Variants in USP25 observed in about 807,000 individuals in gnomAD.
The protein encoded by USP25 is ubiquitin specific peptidase 25, also known as ubiquitin carboxyl-terminal hydrolase 25.
Under a neutral mutation model 158.5 loss-of-function variants are expected in USP25, and 85 were observed. The observed-to-expected ratio is 0.54, with a 90% CI of 0.45 to 0.64. USP25 has a LOEUF of 0.64. Among genes scored for constraint, USP25 ranks in the 30% least tolerant of loss-of-function variants. The probability of loss-of-function intolerance (pLI) is 0.00; values close to 1 mark genes in which losing one functional copy is unlikely to be tolerated. For missense variants in USP25, 1,242 were observed against 1,327.3 expected, an observed-to-expected ratio of 0.94 and a Z score of 1.00; for synonymous variants, 464 against 460.4, an observed-to-expected ratio of 1.01 and a Z score of -0.10.
At chr21:15,846,158 A>ATAT (rs1325255884) in intron 18 of USP25, among the ~76,000 whole-genome samples, 4 of 23,944 alleles carry the variant, frequency 1.7e-4, no homozygotes, top group Non-Finnish European at 2.1e-4. Context: ...ATATATATAT[A>ATAT]TTTTTTTTTT....
intron 10 of USP25, among the ~76,000 whole-genome samples, chr21:15,823,335 C>G (rs2037330459): frequency 6.6e-6 from 1 of 151,738 alleles, no homozygotes; most frequent in South Asian, 2.1e-4. Flanking sequence ...TGAACAGTTA[C>G]CAAAGCATGT....
intron 3 of USP25, among the ~76,000 whole-genome samples, chr21:15,775,471 A>G (rs945295106): frequency 1.2e-4 from 19 of 152,296 alleles, no homozygotes; most frequent in South Asian, 4.1e-4. Context: ...GGAAGCGGCT[A>G]CTTCTGTCAC....
At chr21:15,776,949 T>C (rs538188247) in intron 3 of USP25, among the ~76,000 whole-genome samples, 1 of 152,316 alleles carries the variant, frequency 6.6e-6, no homozygotes, top group Admixed American at 6.5e-5. Flanking sequence ...ATAGTTTCTC[T>C]TTCTGATCAT....
chr21:15,873,998 T>G (rs559653354), intron 23 of USP25, among the ~76,000 whole-genome samples: 1 of 152,292 alleles, frequency 6.6e-6, no homozygotes, highest in East Asian at 1.9e-4. Flanking sequence ...ACAAACCAAA[T>G]GATGTTTGTG....
intron 1 of USP25, among the ~76,000 whole-genome samples, chr21:15,752,561 T>G (rs1175625799): frequency 3.9e-5 from 6 of 152,174 alleles, no homozygotes; most frequent in African/African-American, 1.2e-4. Context: ...CAGATATGGT[T>G]GAAAGGTTGG....
In USP25 at chr21:15,766,262, G is replaced by T. The variant is rs2034034002; in HGVS notation, c.268+121G>T. 7 of 855,904 alleles carry T rather than the reference G, an allele frequency of 8.2e-6. No homozygotes were observed. The highest frequency in any genetic ancestry group is 9.7e-6 in the Non-Finnish European group (6 of 619,480). 53.0% of individuals were successfully genotyped at this position (855,904 alleles called of 1,614,324 possible). A position where few individuals can be genotyped will look rare whatever the true frequency, so the allele number is the denominator to read the frequency against. The stretch of plus-strand genomic sequence containing the variant: ...ACCAAAAAAGAACTCTATTAACCTT[G>T]GTTCTTTTTAATGTAGTTGAAAGGA... On this transcript the variant is annotated intron_variant, in intron 3 of 25. Transcript: ENST00000400183. The surrounding 1 kb of genome is among the most constrained non-coding windows in gnomAD (Gnocchi z 4.0).
At chr21:15,862,102 T>C (rs2039453074) in intron 20 of USP25, among the ~76,000 whole-genome samples, 1 of 152,154 alleles carries the variant, frequency 6.6e-6, no homozygotes, top group Non-Finnish European at 1.5e-5. Context: ...TCCGTGCATG[T>C]AAACCTGCAA....
intron 3 of USP25, among the ~76,000 whole-genome samples, chr21:15,768,758 T>C (rs371339917): frequency 1.3e-5 from 2 of 152,116 alleles, no homozygotes; most frequent in East Asian, 1.9e-4. Flanking sequence ...TACATTGTTA[T>C]TTAAAGGTTG....
At chr21:15,873,914 A>T (rs2039996555) in intron 23 of USP25, among the ~76,000 whole-genome samples, 1 of 149,194 alleles carries the variant, frequency 6.7e-6, no homozygotes, top group Non-Finnish European at 1.5e-5. Flanking sequence ...TCTTATTTCT[A>T]TTTTTTTTTT....
rs2087953668 is a variant in USP25, at chr21:15,875,336, C to T, written c.3009+810C>T. The stretch of plus-strand genomic sequence containing the variant: ...CTTCAAAAAATGGTATAATGTTTCT[C>T]ATCATTTTTTGTAGTAACCCAGCCA... On this transcript the variant is annotated intron_variant, in intron 24 of 25. Coordinates refer to ENST00000400183, the MANE Select transcript of USP25 (RefSeq NM_001283041.3). This position sits in a 1 kb window ranked among gnomAD's most constrained non-coding sequence, Gnocchi z 4.7. Among the ~76,000 whole-genome samples, 2 of 152,176 alleles carry T rather than the reference C, an allele frequency of 1.3e-5. No homozygotes were observed. Among genetic ancestry groups the T allele is most frequent in the South Asian group, 4.1e-4 (2 of 4,824 alleles).
At chr21:15,798,011 T>C (rs1017161387) in intron 5 of USP25, among the ~76,000 whole-genome samples, 8 of 151,286 alleles carry the variant, frequency 5.3e-5, no homozygotes, top group Admixed American at 4.0e-4. Context: ...AGTTCAGTAA[T>C]ATCTGTGGTT....
intron 20 of USP25, among the ~76,000 whole-genome samples, chr21:15,851,662 G>A (rs1716029571): frequency 6.6e-6 from 1 of 151,890 alleles, no homozygotes; most frequent in African/African-American, 2.4e-5. Flanking sequence ...CTTAAACTTA[G>A]TTGTTTTGTT....
chr21:15,852,395 A>G (rs2038930299), intron 20 of USP25, among the ~76,000 whole-genome samples: 1 of 152,118 alleles, frequency 6.6e-6, no homozygotes, highest in Admixed American at 6.5e-5. Context: ...CAAATTATTC[A>G]ATCTTTGTAT....
intron 14 of USP25, 89 bp downstream of exon 14, chr21:15,827,292 A>G (rs2037558520): frequency 9.3e-7 from 1 of 1,074,068 alleles, no homozygotes. Flanking sequence ...TCTGGATTTT[A>G]TATTTAAATA....
intron 1 of USP25, among the ~76,000 whole-genome samples, chr21:15,736,483 G>A (rs2031530679): frequency 6.6e-6 from 1 of 152,070 alleles, no homozygotes; most frequent in Non-Finnish European, 1.5e-5. Flanking sequence ...ATTGTCATCT[G>A]ATTATCCATT....
intron 4 of USP25, among the ~76,000 whole-genome samples, chr21:15,779,799 T>C (rs2034860647): frequency 6.6e-6 from 1 of 152,042 alleles, no homozygotes. Flanking sequence ...TTATTGTAGA[T>C]GACATAGAGA....
chr21:15,871,425 C>A (rs1484823994), intron 23 of USP25, among the ~76,000 whole-genome samples: 1 of 152,086 alleles, frequency 6.6e-6, no homozygotes, highest in South Asian at 2.1e-4. Context: ...TATAAAAAGG[C>A]ATTTCAGTGT....
chr21:15,856,842 T>G (rs1407437697), intron 20 of USP25, among the ~76,000 whole-genome samples: 6 of 152,210 alleles, frequency 3.9e-5, no homozygotes, highest in African/African-American at 1.4e-4. Flanking sequence ...ATATCAGGAT[T>G]TGTAGATTTA....
At chr21:15,774,431 A>G (rs2034525066) in intron 3 of USP25, among the ~76,000 whole-genome samples, 1 of 152,194 alleles carries the variant, frequency 6.6e-6, no homozygotes. Context: ...TTTGCTTGAA[A>G]ATTCCATATT....
Sources: gnomAD v4.1 joint callset for allele counts (sites outside exome capture counted in the v4.1 genomes callset) on GRCh38, gnomAD v4.1.1 for gene constraint, Gnocchi (gnomAD v3.1) non-coding constraint, MANE v1.5 for transcripts, NCBI Gene and HGNC (gene_info 2026-07-23, HGNC 2026-07-21) for gene names.